PTPRA: variants seen among roughly 807,000 people sequenced by gnomAD.
PTPRA encodes protein tyrosine phosphatase receptor type A, also known as receptor-type tyrosine-protein phosphatase alpha.
In PTPRA, 25 loss-of-function variants were observed where a neutral mutation model predicts 104.8. The observed-to-expected ratio is 0.24, with a 90% CI of 0.17 to 0.33. The LOEUF (loss-of-function observed/expected upper bound fraction) is 0.33, where lower values mean the gene tolerates loss of function less well. Among genes scored for constraint, PTPRA ranks in the 10% least tolerant of loss-of-function variants. PTPRA has a pLI of 1.00. For synonymous variants in PTPRA, 323 were observed against 368.9 expected (o/e 0.88, Z 1.43); for missense variants, 765 against 1,015.3 (o/e 0.75, Z 3.35).
intron 5 of PTPRA, among the ~76,000 whole-genome samples, chr20:2,968,271 C>A (rs2062017640): frequency 6.6e-6 from 1 of 152,190 alleles, no homozygotes; most frequent in African/African-American, 2.4e-5. Flanking sequence ...CTAACTGACA[C>A]CTGTTTACCA....
chr20:2,905,208 C>G (rs996399637), intron 1 of PTPRA, among the ~76,000 whole-genome samples: 1 of 152,166 alleles, frequency 6.6e-6, no homozygotes, highest in African/African-American at 2.4e-5. Flanking sequence ...ACCATATCCT[C>G]CACCCCTCCA....
At chr20:3,006,761 G>A (rs2063892579) in intron 10 of PTPRA, among the ~76,000 whole-genome samples, 1 of 152,152 alleles carries the variant, frequency 6.6e-6, no homozygotes, top group African/African-American at 2.4e-5. Context: ...CCAAGTAGCT[G>A]GGACTACCTA....
chr20:3,009,874 A>G (rs2064072783), intron 11 of PTPRA, among the ~76,000 whole-genome samples: 1 of 151,398 alleles, frequency 6.6e-6, no homozygotes, highest in South Asian at 2.1e-4. Flanking sequence ...TTCTGGAGAC[A>G]GTCTCACCCC....
In PTPRA at chr20:3,005,136, C is replaced by T. The variant is rs751062335; in HGVS notation, c.819C>T (p.Asn273=). 1.3e-6 allele frequency: 2 copies of T among 1,598,266 alleles called. No homozygotes were observed. Among genetic ancestry groups the T allele is most frequent in the South Asian group, 1.1e-5 (1 of 90,736 alleles). The change falls in exon 10 of 24, where the codon AAC becomes AAT. Residue 273 remains asparagine, a synonymous_variant. Transcript: ENST00000399903. ...EENKEKNRYV[N]ILPYDHSRVH... ...ACAAGGAAAAAAATCGATATGTAAA[C>T]ATCTTGCCTTGTGAGTGTCTTTAGT...
At chr20:2,937,210 A>C (rs943963485) in intron 2 of PTPRA, among the ~76,000 whole-genome samples, 1 of 142,200 alleles carries the variant, frequency 7.0e-6, no homozygotes, top group Non-Finnish European at 1.5e-5. Context: ...TGCAATCTCC[A>C]CCTCCCGGGT....
At chr20:2,952,568 A>G (rs904664305) in intron 3 of PTPRA, among the ~76,000 whole-genome samples, 9 of 152,318 alleles carry the variant, frequency 5.9e-5, no homozygotes, top group Middle Eastern at 3.4e-3. Flanking sequence ...TATACACATA[A>G]TACAAAATTT....
Position 3,033,410 on chromosome 20 carries a change from G to A in PTPRA, c.1921-2175G>A, listed in dbSNP as rs563840588. Among the ~76,000 whole-genome samples, 42 of 151,948 alleles carry A rather than the reference G, an allele frequency of 2.8e-4. 1 individual carries two copies. The South Asian group carries it at 7.3e-3, about 26-fold the overall frequency. On this transcript the variant is annotated intron_variant, in intron 20 of 23. Coordinates refer to ENST00000399903, the MANE Select transcript of PTPRA (RefSeq NM_001385305.1). ...CAGAGCCTCCCCACTTTTCTCCAGC[G>A]TAACTGCTGTCATCTGAACAAGCCC... is the stretch of plus-strand genomic sequence containing the variant.
intron 1 of PTPRA, among the ~76,000 whole-genome samples, chr20:2,901,174 T>C (rs977791003): frequency 6.6e-6 from 1 of 152,140 alleles, no homozygotes; most frequent in African/African-American, 2.4e-5. Flanking sequence ...TTTCACCATC[T>C]TGGCCAGACT....
At chr20:2,988,526 A>T in intron 9 of PTPRA, 52 bp downstream of exon 9, 1 of 1,583,238 alleles carries the variant, frequency 6.3e-7, no homozygotes, top group Non-Finnish European at 8.5e-7. Flanking sequence ...GCAGACCTAA[A>T]GTCAGACCTT....
At chr20:2,987,271 C>A (rs1170223850) in intron 7 of PTPRA, among the ~76,000 whole-genome samples, 1 of 151,860 alleles carries the variant, frequency 6.6e-6, no homozygotes, top group Non-Finnish European at 1.5e-5. Context: ...GGGCTTTGTC[C>A]CCAGACCCTT....
chr20:2,952,091 G>A (rs1050272608), intron 3 of PTPRA, among the ~76,000 whole-genome samples: 3 of 151,518 alleles, frequency 2.0e-5, no homozygotes, highest in Admixed American at 1.3e-4. Context: ...CGGCACTCCA[G>A]CCTGGTGACA....
intron 3 of PTPRA, among the ~76,000 whole-genome samples, chr20:2,960,163 A>G (rs2061695115): frequency 6.6e-6 from 1 of 152,056 alleles, no homozygotes; most frequent in South Asian, 2.1e-4. Flanking sequence ...CCATTGTAGT[A>G]TCATACAGAA....
chr20:2,942,665 G>A (rs1319463605), intron 2 of PTPRA, among the ~76,000 whole-genome samples: 2 of 151,576 alleles, frequency 1.3e-5, no homozygotes, highest in African/African-American at 4.8e-5. Context: ...ACTCCTCCCT[G>A]AATCTCCAGC....
At chr20:2,922,527 A>G (rs182986128) in intron 1 of PTPRA, among the ~76,000 whole-genome samples, 1 of 152,092 alleles carries the variant, frequency 6.6e-6, no homozygotes, top group East Asian at 1.9e-4. Flanking sequence ...TTTGGTAGAG[A>G]CGGGGTTTCA....
chr20:2,900,089 G>A (rs908241634), intron 1 of PTPRA, among the ~76,000 whole-genome samples: 1 of 151,848 alleles, frequency 6.6e-6, no homozygotes, highest in African/African-American at 2.4e-5. Context: ...TAGCCTGGGC[G>A]ACAGAGTGAG....
chr20:2,893,080 G>C (rs1185147302), intron 1 of PTPRA, among the ~76,000 whole-genome samples: 1 of 152,168 alleles, frequency 6.6e-6, no homozygotes, highest in Non-Finnish European at 1.5e-5. Flanking sequence ...TTTGGTTTTT[G>C]TGAACATTTC....
intron 1 of PTPRA, among the ~76,000 whole-genome samples, chr20:2,897,543 A>G (rs1438744764): frequency 1.3e-5 from 2 of 151,884 alleles, no homozygotes; most frequent in African/African-American, 4.8e-5. Flanking sequence ...ACCCGCCATC[A>G]TGCCCTACTA....
intron 18 of PTPRA, 109 bp from the exon 19 acceptor site, chr20:3,027,012 C>T: frequency 1.6e-6 from 2 of 1,243,296 alleles, no homozygotes; most frequent in Non-Finnish European, 2.3e-6. Context: ...ACAGACATGT[C>T]CTTGCCCAGC....
intron 1 of PTPRA, among the ~76,000 whole-genome samples, chr20:2,909,322 G>A (rs903028035): frequency 2.6e-5 from 4 of 151,864 alleles, no homozygotes; most frequent in South Asian, 2.1e-4. Context: ...GGCCTGGTGC[G>A]GTGGCTCATG....
Sources: allele counts gnomAD v4.1 joint callset (sites outside exome capture counted in the v4.1 genomes callset), GRCh38; gene constraint gnomAD v4.1.1; transcripts MANE v1.5; gene names NCBI Gene and HGNC (gene_info 2026-07-23, HGNC 2026-07-21).